The following PNPLA3 variants were observed in gnomAD, a reference collection of about 807,000 sequenced individuals.
The protein encoded by PNPLA3 is 1-acylglycerol-3-phosphate O-acyltransferase PNPLA3.
In PNPLA3, 42 loss-of-function variants were observed where a neutral mutation model predicts 43.1. The ratio of observed to expected loss-of-function variants is 0.97; its 90% CI spans 0.76 to 1.26. The LOEUF (loss-of-function observed/expected upper bound fraction) is 1.26, where lower values mean the gene tolerates loss of function less well. Ranked by LOEUF, PNPLA3 falls within the 50% of genes most tolerant of loss-of-function variation. The pLI, the probability that PNPLA3 is intolerant of heterozygous loss-of-function variation, is 0.00. For missense variants in PNPLA3, 647 were observed against 621.4 expected (o/e 1.04, Z -0.44); for synonymous variants, 272 against 253.6 (o/e 1.07, Z -0.69).
chr22:43,937,300 C>A (rs377610923), intron 6 of PNPLA3, 28 bp downstream of exon 6: 2 of 1,596,404 alleles, frequency 1.3e-6, no homozygotes, highest in African/African-American at 1.3e-5. Context: ...TGAGCACGGG[C>A]AGCACCTTGT....
At position 43,929,892 on chromosome 22, in the gene PNPLA3, C is replaced by T. The variant is rs575011837; in HGVS notation, c.486+1003C>T. ...GATTACAGGCGTGAGCCATGGTGCCCGGCCAACAATCACATGTGTTGTAAA... is the reference window on the plus strand; with the variant it reads ...GATTACAGGCGTGAGCCATGGTGCCTGGCCAACAATCACATGTGTTGTAAA... On this transcript the variant is annotated intron_variant, in intron 3 of 8. Coordinates refer to ENST00000216180, the MANE Select transcript of PNPLA3 (RefSeq NM_025225.3). Among the ~76,000 whole-genome samples the T allele has an allele frequency of 4.3e-3, 650 of 152,232 alleles. 2 individuals carry two copies. The highest frequency in any genetic ancestry group is 0.015 in the African/African-American group (611 of 41,540).
Position 43,946,733 on chromosome 22 carries a change from G to T in PNPLA3, c.*351G>T. 1.9e-6 allele frequency: 1 copy of T among 537,112 alleles called. No individual in the cohort carries two copies. Among genetic ancestry groups the T allele is most frequent in the South Asian group, 1.4e-5 (1 of 71,684 alleles). 33.3% of individuals were successfully genotyped at this position (537,112 alleles called of 1,614,324 possible). ...AGGTGTTTGGATGGGTGGGGGCCTT[G>T]TGATGGGGGGTAGGCTGGCCCATGT... On this transcript the variant is annotated 3_prime_UTR_variant, in exon 9 of 9. Coordinates refer to ENST00000216180, the MANE Select transcript of PNPLA3 (RefSeq NM_025225.3).
At position 43,937,076 on chromosome 22, in the gene PNPLA3, C is replaced by A; in HGVS notation, c.783C>A (p.Gly261=). The A allele has an allele frequency of 6.2e-7, 1 of 1,613,942 alleles. No individual in the cohort carries two copies. The highest frequency in any genetic ancestry group is 2.2e-5 in the East Asian group (1 of 44,874). The change falls in exon 6 of 9, where the codon GGC becomes GGA. Residue 261 remains glycine, a synonymous_variant. Transcript: ENST00000216180. ...EKGICNRPQP[G]LKSSSEGMDP... ...GCATCTGCAACAGGCCCCAGCCAGGCCTGAAGTCATCCTCAGAAGGGATGG... is the reference window on the plus strand; with the variant it reads ...GCATCTGCAACAGGCCCCAGCCAGGACTGAAGTCATCCTCAGAAGGGATGG...
In PNPLA3 at chr22:43,944,775, G is replaced by A. The variant is rs766350704; in HGVS notation, c.1197G>A (p.Met399Ile). ...VTSQVFTRVL[M>I]CLLPASRSQM... ...CACAGGTGTTCACTCGAGTGCTGAT[G>A]TGTCTGCTCCCCGCCTCCAGGTAAA... is the stretch of plus-strand genomic sequence containing the variant. The change falls in exon 8 of 9, where the codon ATG (methionine) becomes ATA (isoleucine). Residue 399 changes from methionine (M) to isoleucine (I), a missense_variant. Met to Ile is a conservative substitution (Grantham distance 10, BLOSUM62 1). Coordinates refer to ENST00000216180, the MANE Select transcript of PNPLA3 (RefSeq NM_025225.3). The A allele has an allele frequency of 5.0e-6, 8 of 1,614,084 alleles. No individual in the cohort carries two copies. The highest frequency in any genetic ancestry group is 6.8e-6 in the Non-Finnish European group (8 of 1,180,042).
chr22:43,926,179 G>T (rs1186210954), intron 1 of PNPLA3, among the ~76,000 whole-genome samples: 1 of 152,230 alleles, frequency 6.6e-6, no homozygotes, highest in Non-Finnish European at 1.5e-5. Context: ...GGCAGAACCT[G>T]CCAGCCACGT....
intron 7 of PNPLA3, among the ~76,000 whole-genome samples, chr22:43,940,620 C>G (rs1477282577): frequency 6.6e-6 from 1 of 151,802 alleles, no homozygotes; most frequent in Non-Finnish European, 1.5e-5. Context: ...ACCAGCTTGG[C>G]CAACATGGTG....
At chr22:43,926,577 C>T (rs1005824871) in intron 1 of PNPLA3, among the ~76,000 whole-genome samples, 3 of 152,168 alleles carry the variant, frequency 2.0e-5, no homozygotes, top group Non-Finnish European at 4.4e-5. Context: ...ACACTGGAAG[C>T]CATGATGTCA....
At chr22:43,931,892 A>G (rs2049964041) in intron 3 of PNPLA3, among the ~76,000 whole-genome samples, 1 of 152,222 alleles carries the variant, frequency 6.6e-6, no homozygotes, top group South Asian at 2.1e-4. Flanking sequence ...GTTGCTGTGT[A>G]AACTTGTGAT....
rs1329476313 is a variant in PNPLA3, at chr22:43,923,898, C to T, written c.-14C>T. On this transcript the variant is annotated 5_prime_UTR_variant, in exon 1 of 9. Coordinates refer to ENST00000216180, the MANE Select transcript of PNPLA3 (RefSeq NM_025225.3). ...CCAGATCCTAACCCGCGCCCCCGCCCCGCCGCCGCCGCCATGTACGACGCA... is the reference window on the plus strand; with the variant it reads ...CCAGATCCTAACCCGCGCCCCCGCCTCGCCGCCGCCGCCATGTACGACGCA... 1 of 1,475,998 alleles carries T rather than the reference C, an allele frequency of 6.8e-7. No individual in the cohort carries two copies. The highest frequency in any genetic ancestry group is 2.2e-5 in the Admixed American group (1 of 44,448). 91.4% of individuals were successfully genotyped at this position (1,475,998 alleles called of 1,614,324 possible). A position where few individuals can be genotyped will look rare whatever the true frequency, so the allele number is the denominator to read the frequency against.
At chr22:43,938,806 C>A (rs974128653) in intron 6 of PNPLA3, among the ~76,000 whole-genome samples, 6 of 152,182 alleles carry the variant, frequency 3.9e-5, no homozygotes, top group Admixed American at 2.6e-4. Flanking sequence ...GACTGGGGCT[C>A]CAGGAAGAAG....
At chr22:43,928,748 G>A (rs2146776122) in intron 2 of PNPLA3, 76 bp from the exon 3 acceptor site, 1 of 1,391,204 alleles carries the variant, frequency 7.2e-7, no homozygotes, top group Non-Finnish European at 1.0e-6. Flanking sequence ...CTGCTCACTT[G>A]GAGAAAGCTT....
chr22:43,939,491 G>C lies in PNPLA3; in HGVS notation c.980-502G>C, dbSNP rs995485147. 32 of 869,138 alleles carry C rather than the reference G, an allele frequency of 3.7e-5. No homozygotes were observed. In the African/African-American group the frequency reaches 4.8e-4, roughly 13 times the overall value. The allele number at this position is 869,138 out of a possible 1,614,324, so 53.8% of individuals were successfully genotyped here. The stretch of plus-strand genomic sequence containing the variant: ...TTAGCTGTTCTTGGCTGTGCTCCCC[G>C]CTTCAGCTTCACACTGCCCTTGCTG... On this transcript the variant is annotated intron_variant, in intron 6 of 8. Transcript: ENST00000216180.
intron 7 of PNPLA3, among the ~76,000 whole-genome samples, chr22:43,943,222 T>C (rs563837587): frequency 2.0e-5 from 3 of 152,286 alleles, no homozygotes; most frequent in South Asian, 4.1e-4. Context: ...CCCTTCTCCA[T>C]TTCTTCTTGG....
At chr22:43,935,077 C>T (rs2049986380) in intron 5 of PNPLA3, among the ~76,000 whole-genome samples, 1 of 152,142 alleles carries the variant, frequency 6.6e-6, no homozygotes, top group African/African-American at 2.4e-5. Flanking sequence ...TTTCTCATCT[C>T]CAGTCAGGTG....
chr22:43,939,618 C>T (rs2050018178), intron 6 of PNPLA3, among the ~76,000 whole-genome samples: 1 of 152,134 alleles, frequency 6.6e-6, no homozygotes. Flanking sequence ...AGTTCAAGAC[C>T]AGCCTGGCCA....
At chr22:43,936,212 G>T (rs1206244917) in intron 5 of PNPLA3, among the ~76,000 whole-genome samples, 6 of 152,074 alleles carry the variant, frequency 3.9e-5, no homozygotes, top group African/African-American at 1.4e-4. Context: ...CAGATACCTG[G>T]CAATATTCCT....
Position 43,924,058 on chromosome 22 carries a change from G to A in PNPLA3, c.147G>A (p.Gly49=), listed in dbSNP as rs1481078229. The A allele has an allele frequency of 6.3e-7, 1 of 1,576,212 alleles. No individual in the cohort carries two copies. Among genetic ancestry groups the A allele is most frequent in the Non-Finnish European group, 8.5e-7 (1 of 1,170,434 alleles). The change falls in exon 1 of 9, where the codon GGG becomes GGA. Residue 49 remains glycine, a synonymous_variant. Transcript: ENST00000216180. Reference sequence around the variant, plus strand: ...GCATGTTGTTCGGCGCTTCGGCCGGGGCGTTGCACTGCGTCGGCGTCCTCT... The same window carrying A: ...GCATGTTGTTCGGCGCTTCGGCCGGAGCGTTGCACTGCGTCGGCGTCCTCT... ...DARMLFGASA[G]ALHCVGVLSG...
At chr22:43,936,200 A>C (rs1603416699) in intron 5 of PNPLA3, among the ~76,000 whole-genome samples, 1 of 152,132 alleles carries the variant, frequency 6.6e-6, no homozygotes, top group East Asian at 1.9e-4. Flanking sequence ...TCTGCCTGAG[A>C]ACAGATACCT....
chr22:43,931,791 C>T (rs1432936411), intron 3 of PNPLA3, among the ~76,000 whole-genome samples: 1 of 152,214 alleles, frequency 6.6e-6, no homozygotes, highest in Non-Finnish European at 1.5e-5. Context: ...GCTGGGATTA[C>T]AGGCGTGAGC....
Sources: allele counts gnomAD v4.1 joint callset (sites outside exome capture counted in the v4.1 genomes callset), GRCh38; gene constraint gnomAD v4.1.1; transcripts MANE v1.5; gene names NCBI Gene and HGNC (gene_info 2026-07-23, HGNC 2026-07-21).